Variants in PCLO observed in about 807,000 individuals in gnomAD.
The protein encoded by PCLO is protein piccolo.
In PCLO, 82 loss-of-function variants were observed where a neutral mutation model predicts 427.5. The ratio of observed to expected loss-of-function variants is 0.19; its 90% CI spans 0.16 to 0.23. PCLO has a LOEUF of 0.23. Ranked by LOEUF, PCLO falls within the 10% of genes least tolerant of loss-of-function variation. PCLO has a pLI of 1.00. For synonymous variants in PCLO, 2,357 were observed against 2,155.4 expected, an observed-to-expected ratio of 1.09 and a Z score of -2.59; for missense variants, 6,239 against 6,115.9, an observed-to-expected ratio of 1.02 and a Z score of -0.67.
At chr7:83,059,945 GA>G (rs1265935268) in intron 3 of PCLO, among the ~76,000 whole-genome samples, 6 of 152,068 alleles carry the variant, frequency 3.9e-5, no homozygotes, top group Non-Finnish European at 5.9e-5. Flanking sequence ...TTTTTGAGTG[GA>G]ATACACTGAG....
intron 3 of PCLO, among the ~76,000 whole-genome samples, chr7:82,985,750 G>C (rs1562899519): frequency 2.0e-5 from 3 of 151,912 alleles, no homozygotes; most frequent in African/African-American, 7.2e-5. Context: ...TTTTAAGAAT[G>C]TGTAAGGGTA....
At chr7:82,959,559 T>G (rs1157247588) in intron 4 of PCLO, among the ~76,000 whole-genome samples, 1 of 152,166 alleles carries the variant, frequency 6.6e-6, no homozygotes, top group Non-Finnish European at 1.5e-5. Flanking sequence ...ACTTATATAA[T>G]GTAACAAGGG....
chr7:82,899,188 A>G (rs1165017876), intron 9 of PCLO, among the ~76,000 whole-genome samples: 1 of 151,494 alleles, frequency 6.6e-6, no homozygotes, highest in Non-Finnish European at 1.5e-5. Context: ...CATAAACTCA[A>G]TTAAAACATT....
In PCLO at chr7:82,756,302, G is replaced by C. The variant is rs999179019; in HGVS notation, c.*2273C>G. On this transcript the variant is annotated 3_prime_UTR_variant, in exon 25 of 25. Coordinates refer to ENST00000333891, the MANE Select transcript of PCLO (RefSeq NM_033026.6). ...GAGTGATGATTATAGGCTTCTTCAA[G>C]TGCTAGCTTCTGCTGGAAATATCCA... 4.6e-5 allele frequency: 7 copies of C among 151,976 alleles called. No individual in the cohort carries two copies. Among genetic ancestry groups the C allele is most frequent in the African/African-American group, 7.2e-5 (3 of 41,390 alleles). 9.4% of individuals were successfully genotyped at this position (151,976 alleles called of 1,614,324 possible). A position where few individuals can be genotyped will look rare whatever the true frequency, so the allele number is the denominator to read the frequency against.
In PCLO at chr7:82,814,392, T is replaced by G. The variant is rs142679461; in HGVS notation, c.14791+8103A>C. Reference sequence around the variant, plus strand: ...AAGAAGTCCTTGGTTATTCAGTCTTTGACTATTGTAAAAATTATGATTGTG... The same window carrying G: ...AAGAAGTCCTTGGTTATTCAGTCTTGGACTATTGTAAAAATTATGATTGTG... On this transcript the variant is annotated intron_variant, in intron 20 of 24. Transcript: ENST00000333891. 3.1e-3 allele frequency among the ~76,000 whole-genome samples: 468 copies of G among 151,654 alleles called. 3 individuals are homozygous for G. Among genetic ancestry groups the G allele is most frequent in the African/African-American group, 0.011 (456 of 41,500 alleles).
chr7:82,894,919 C>G (rs957316757), intron 9 of PCLO, among the ~76,000 whole-genome samples: 1 of 151,934 alleles, frequency 6.6e-6, no homozygotes, highest in Admixed American at 6.6e-5. Flanking sequence ...CCAGAGAGAG[C>G]CCAAACTGTT....
chr7:82,840,901 A>C (rs1792349854), intron 14 of PCLO, among the ~76,000 whole-genome samples: 2 of 151,864 alleles, frequency 1.3e-5, no homozygotes, highest in Non-Finnish European at 2.9e-5. Context: ...ACAATCAGAA[A>C]TATATAAATA....
chr7:83,132,404 G>A (rs1433741299), intron 3 of PCLO, among the ~76,000 whole-genome samples: 1 of 152,122 alleles, frequency 6.6e-6, no homozygotes, highest in Non-Finnish European at 1.5e-5. Context: ...ACTATTCAAA[G>A]TACTGAAATT....
chr7:83,000,332 T>C (rs559939179), intron 3 of PCLO, among the ~76,000 whole-genome samples: 2 of 151,094 alleles, frequency 1.3e-5, no homozygotes, highest in Non-Finnish European at 2.9e-5. Flanking sequence ...TAGAATTCTA[T>C]ACTCTGAAAC....
chr7:82,985,092 T>C (rs1028617218), intron 3 of PCLO, among the ~76,000 whole-genome samples: 1 of 151,932 alleles, frequency 6.6e-6, no homozygotes, highest in Non-Finnish European at 1.5e-5. Flanking sequence ...GGTATGAAAC[T>C]AGAAATAGAT....
chr7:83,033,749 C>T (rs1788728098), intron 3 of PCLO, among the ~76,000 whole-genome samples: 1 of 152,036 alleles, frequency 6.6e-6, no homozygotes, highest in South Asian at 2.1e-4. Context: ...ACTACTTGTA[C>T]CACTTTGTAC....
chr7:82,819,076 A>G (rs1424560036), intron 20 of PCLO, among the ~76,000 whole-genome samples: 2 of 152,196 alleles, frequency 1.3e-5, no homozygotes, highest in Non-Finnish European at 2.9e-5. Flanking sequence ...ATTTAACACT[A>G]TAGTATGTTT....
intron 21 of PCLO, among the ~76,000 whole-genome samples, chr7:82,803,664 T>G (rs898778054): frequency 2.5e-5 from 3 of 118,334 alleles, no homozygotes; most frequent in African/African-American, 7.9e-5. Context: ...GCTCAGAACA[T>G]TCTGGCTATA....
intron 4 of PCLO, among the ~76,000 whole-genome samples, chr7:82,964,497 G>A (rs1019333486): frequency 3.3e-5 from 5 of 152,066 alleles, no homozygotes; most frequent in Non-Finnish European, 5.9e-5. Context: ...TCCCATAGGA[G>A]GAACAAAGAC....
chr7:83,105,639 G>T (rs1318211616), intron 3 of PCLO, among the ~76,000 whole-genome samples: 1 of 152,176 alleles, frequency 6.6e-6, no homozygotes, highest in Non-Finnish European at 1.5e-5. Context: ...AAGAATCACA[G>T]CAACAGCCAC....
In PCLO at chr7:82,805,873, G is replaced by A. The variant is rs1385941045; in HGVS notation, c.14792-44C>T. The A allele has an allele frequency of 9.0e-6, 14 of 1,556,638 alleles. No homozygotes were observed. The East Asian group carries it at 3.1e-4, about 34-fold the overall frequency. On this transcript the variant is annotated intron_variant, in intron 20 of 24. Transcript: ENST00000333891. ...TTCAACACCACAGTCAATAAATGAA[G>A]CTGACATTGATCTACAAATGCATCA...
intron 6 of PCLO, among the ~76,000 whole-genome samples, chr7:82,942,581 T>C (rs912384256): frequency 1.1e-4 from 17 of 152,276 alleles, no homozygotes; most frequent in Admixed American, 9.8e-4. Context: ...ACTTAAAAAC[T>C]TTCTGGTTTT....
chr7:82,881,359 C>G (rs368430264), intron 9 of PCLO, among the ~76,000 whole-genome samples: 2 of 152,284 alleles, frequency 1.3e-5, no homozygotes. Context: ...TTTCTAGTAG[C>G]TGAGCACCTT....
intron 22 of PCLO, 42 bp from the exon 23 acceptor site, chr7:82,761,535 A>G (rs1403897501): frequency 8.3e-6 from 12 of 1,447,434 alleles, no homozygotes; most frequent in Non-Finnish European, 1.1e-5. Context: ...ATGTAATGCC[A>G]TATATGAAAT....
Sources: gnomAD v4.1 joint callset for allele counts (sites outside exome capture counted in the v4.1 genomes callset) on GRCh38, gnomAD v4.1.1 for gene constraint, MANE v1.5 for transcripts, NCBI Gene and HGNC (gene_info 2026-07-23, HGNC 2026-07-21) for gene names.